Variants in DOK6 observed in about 807,000 individuals in gnomAD.
The protein encoded by DOK6 is docking protein 6.
A neutral mutation model predicts 44.0 loss-of-function variants in DOK6; 22 were observed. That is an observed-to-expected ratio of 0.50 (90% CI 0.36 to 0.71). The LOEUF (loss-of-function observed/expected upper bound fraction) is 0.71, where lower values mean the gene tolerates loss of function less well. DOK6 is among the 30% of genes least tolerant of loss of function. The probability of loss-of-function intolerance (pLI) is 0.00; values close to 1 mark genes in which losing one functional copy is unlikely to be tolerated. For missense variants in DOK6, 340 were observed against 416.4 expected (o/e 0.82, Z 1.60); for synonymous variants, 166 against 145.5 (o/e 1.14, Z -1.01).
chr18:69,693,920 G>A (rs998862274), intron 4 of DOK6, among the ~76,000 whole-genome samples: 9 of 151,720 alleles, frequency 5.9e-5, no homozygotes, highest in East Asian at 1.9e-4. Context: ...TTAGCCGGGC[G>A]TGGTGGCGGG....
At chr18:69,517,037 G>C (rs896191113) in intron 1 of DOK6, among the ~76,000 whole-genome samples, 1 of 152,010 alleles carries the variant, frequency 6.6e-6, no homozygotes, top group Non-Finnish European at 1.5e-5. Context: ...TTTTGAGGTT[G>C]TATTATTTTA....
chr18:69,548,594 T>C (rs1982474714), intron 1 of DOK6, among the ~76,000 whole-genome samples: 1 of 151,514 alleles, frequency 6.6e-6, no homozygotes, highest in Admixed American at 6.6e-5. Context: ...GTAGATATTT[T>C]AATGACAGCT....
chr18:69,435,160 G>C (rs978881255), intron 1 of DOK6, among the ~76,000 whole-genome samples: 8 of 152,124 alleles, frequency 5.3e-5, no homozygotes, highest in African/African-American at 1.9e-4. Flanking sequence ...TGCGGTCTTA[G>C]CCTGCTCCAC....
intron 7 of DOK6, among the ~76,000 whole-genome samples, chr18:69,825,008 C>T (rs1210938899): frequency 1.3e-5 from 2 of 152,204 alleles, no homozygotes; most frequent in South Asian, 2.1e-4. Context: ...TGCTTATCTA[C>T]TTCCTTATTT....
At chr18:69,567,777 A>G (rs930482246) in intron 2 of DOK6, among the ~76,000 whole-genome samples, 8 of 152,002 alleles carry the variant, frequency 5.3e-5, no homozygotes, top group African/African-American at 1.9e-4. Context: ...GGTTGGGGGT[A>G]GGGAGCTGGA....
intron 3 of DOK6, among the ~76,000 whole-genome samples, chr18:69,627,550 G>A (rs1229880053): frequency 3.3e-5 from 5 of 152,136 alleles, no homozygotes; most frequent in Non-Finnish European, 7.3e-5. Context: ...CCGGGTTCAC[G>A]CCATTCTCCT....
chr18:69,541,011 A>C (rs1241018190), intron 1 of DOK6, among the ~76,000 whole-genome samples: 1 of 152,174 alleles, frequency 6.6e-6, no homozygotes, highest in Non-Finnish European at 1.5e-5. Flanking sequence ...GGGGAGGAAG[A>C]AAAGAGTGTG....
intron 1 of DOK6, among the ~76,000 whole-genome samples, chr18:69,487,215 G>C (rs866623084): frequency 3.4e-5 from 5 of 145,158 alleles, no homozygotes; most frequent in Admixed American, 6.9e-5. Flanking sequence ...GTGTGTGTGT[G>C]TGTGTGTCTG....
At chr18:69,612,160 A>T (rs1984157242) in intron 3 of DOK6, among the ~76,000 whole-genome samples, 1 of 152,054 alleles carries the variant, frequency 6.6e-6, no homozygotes, top group South Asian at 2.1e-4. Flanking sequence ...TTTTCAACAA[A>T]AAGTAAATTA....
intron 3 of DOK6, among the ~76,000 whole-genome samples, chr18:69,674,316 A>G (rs1985872194): frequency 1.3e-5 from 2 of 152,236 alleles, no homozygotes; most frequent in African/African-American, 4.8e-5. Flanking sequence ...ACAAAGGTTA[A>G]TACTTTTGAG....
intron 7 of DOK6, among the ~76,000 whole-genome samples, chr18:69,792,904 G>A (rs189843417): frequency 3.3e-5 from 5 of 152,166 alleles, no homozygotes; most frequent in Admixed American, 3.3e-4. Context: ...AGAAATAATA[G>A]TCTCCATTGA....
intron 1 of DOK6, among the ~76,000 whole-genome samples, chr18:69,413,747 C>A (rs1448701434): frequency 1.3e-5 from 2 of 151,816 alleles, no homozygotes; most frequent in East Asian, 3.9e-4. Flanking sequence ...TTGACAATTT[C>A]ATCTTATTGA....
rs1433331169 is a variant in DOK6, at chr18:69,606,882, C to A, written c.289+7384C>A. ...AGGTTCAAGCAACTCTCTGCCTTAG[C>A]CTACCTCAACAAGGAAATTTTAAAA... On this transcript the variant is annotated intron_variant, in intron 3 of 7. Coordinates refer to ENST00000382713, the MANE Select transcript of DOK6 (RefSeq NM_152721.6). Among the ~76,000 whole-genome samples the A allele has an allele frequency of 2.0e-5, 3 of 150,338 alleles. No individual in the cohort carries two copies. In the East Asian group the frequency reaches 5.9e-4, roughly 29 times the overall value.
chr18:69,544,993 C>G lies in DOK6; in HGVS notation c.67-19494C>G, dbSNP rs563110235. Among the ~76,000 whole-genome samples, 19 of 150,926 alleles carry G rather than the reference C, an allele frequency of 1.3e-4. No homozygotes were observed. The South Asian group carries it at 4.0e-3, about 32-fold the overall frequency. On this transcript the variant is annotated intron_variant, in intron 1 of 7. Transcript: ENST00000382713. ...AAAATTAGCTGGGTGTAGTGGTGCA[C>G]GTCTGTAATCCCAGCTACTCAGGAG...
intron 3 of DOK6, among the ~76,000 whole-genome samples, chr18:69,609,312 C>A (rs4306626): frequency 0.88 from 134,168 of 152,124 alleles, 59,661 homozygotes; most frequent in East Asian, 0.95. Context: ...ATAGCAAATA[C>A]ATAAATTATC....
At chr18:69,555,379 G>T (rs1158777725) in intron 1 of DOK6, among the ~76,000 whole-genome samples, 1 of 152,090 alleles carries the variant, frequency 6.6e-6, no homozygotes, top group Non-Finnish European at 1.5e-5. Context: ...AATAGGTGTA[G>T]TCTTTTTTTC....
At position 69,847,889 on chromosome 18, in the gene DOK6, A is replaced by G. The variant is rs1982382112; in HGVS notation, c.*6506A>G. ...ATACTGTATTACTTTAGTTATAGCA[A>G]GCAGTACATAAATGACATCAACAAC... On this transcript the variant is annotated 3_prime_UTR_variant, in exon 8 of 8. Coordinates refer to ENST00000382713, the MANE Select transcript of DOK6 (RefSeq NM_152721.6). 1 of 152,080 alleles carries G rather than the reference A, an allele frequency of 6.6e-6. No homozygotes were observed. Among genetic ancestry groups the G allele is most frequent in the Non-Finnish European group, 1.5e-5 (1 of 68,012 alleles). 9.4% of individuals were successfully genotyped at this position (152,080 alleles called of 1,614,324 possible).
intron 3 of DOK6, among the ~76,000 whole-genome samples, chr18:69,628,901 G>A (rs1984621875): frequency 6.6e-6 from 1 of 152,196 alleles, no homozygotes; most frequent in Admixed American, 6.5e-5. Context: ...TGAAGGCTGT[G>A]TAAGCTGGAG....
chr18:69,672,304 G>C (rs10451409), intron 3 of DOK6, among the ~76,000 whole-genome samples: 4,299 of 152,296 alleles, frequency 0.028, 163 homozygotes, highest in African/African-American at 0.082. Context: ...AGAGATCCAT[G>C]CTTTTGATCT....
Sources: allele counts gnomAD v4.1 joint callset (sites outside exome capture counted in the v4.1 genomes callset), GRCh38; gene constraint gnomAD v4.1.1; transcripts MANE v1.5; gene names NCBI Gene and HGNC (gene_info 2026-07-23, HGNC 2026-07-21).